Variants in SDK1 observed in about 807,000 individuals in gnomAD.
The protein encoded by SDK1 is protein sidekick-1.
SDK1 carries 157 observed loss-of-function variants against 245.5 expected under a neutral mutation model. The ratio of observed to expected loss-of-function variants is 0.64; its 90% CI spans 0.56 to 0.73. The LOEUF is 0.73. Ranked by LOEUF, SDK1 falls within the 30% of genes least tolerant of loss-of-function variation. The pLI is 0.00. For synonymous variants in SDK1, 1,647 were observed against 1,278.5 expected, an observed-to-expected ratio of 1.29 and a Z score of -6.15; for missense variants, 3,583 against 3,002.3, an observed-to-expected ratio of 1.19 and a Z score of -4.52.
intron 4 of SDK1, among the ~76,000 whole-genome samples, chr7:3,648,514 G>A (rs1782917383): frequency 6.6e-6 from 1 of 152,200 alleles, no homozygotes; most frequent in Non-Finnish European, 1.5e-5. Context: ...AGCATCCCAG[G>A]TGACTCAGAA....
At chr7:4,094,013 G>T (rs1028586669) in intron 22 of SDK1, among the ~76,000 whole-genome samples, 3 of 152,126 alleles carry the variant, frequency 2.0e-5, no homozygotes, top group Non-Finnish European at 4.4e-5. Flanking sequence ...ATACAATCCG[G>T]GGGCAGTCCC....
chr7:4,012,334 G>A, intron 16 of SDK1, 99 bp downstream of exon 16: 1 of 1,286,530 alleles, frequency 7.8e-7, no homozygotes, highest in Non-Finnish European at 1.0e-6. Context: ...AGCCAAACAG[G>A]AACCAAAGGA....
chr7:3,461,443 C>T (rs551359132), intron 1 of SDK1, among the ~76,000 whole-genome samples: 13 of 152,220 alleles, frequency 8.5e-5, no homozygotes, highest in African/African-American at 3.1e-4. Flanking sequence ...ATTTTAGTAG[C>T]TAGAATTTCT....
At chr7:3,405,691 A>G (rs892098102) in intron 1 of SDK1, among the ~76,000 whole-genome samples, 1 of 152,214 alleles carries the variant, frequency 6.6e-6, no homozygotes, top group Non-Finnish European at 1.5e-5. Context: ...GAGCTGACAC[A>G]GTAGTAGCAG....
At chr7:3,992,289 G>A (rs1784386642) in intron 14 of SDK1, among the ~76,000 whole-genome samples, 1 of 152,200 alleles carries the variant, frequency 6.6e-6, no homozygotes, top group Non-Finnish European at 1.5e-5. Context: ...GACTCAAGGT[G>A]CATCTCTGGA....
chr7:3,983,117 G>A (rs1041387617), intron 13 of SDK1, among the ~76,000 whole-genome samples: 2 of 152,236 alleles, frequency 1.3e-5, no homozygotes, highest in South Asian at 4.1e-4. Flanking sequence ...GTGTGGGACA[G>A]CATCTACTTT....
At chr7:3,443,107 G>A (rs1291476790) in intron 1 of SDK1, among the ~76,000 whole-genome samples, 1 of 151,342 alleles carries the variant, frequency 6.6e-6, no homozygotes, top group Non-Finnish European at 1.5e-5. Flanking sequence ...AAAGTTTCAG[G>A]GTTATATCCT....
intron 1 of SDK1, among the ~76,000 whole-genome samples, chr7:3,350,730 A>G (rs1000466572): frequency 1.3e-5 from 2 of 152,114 alleles, no homozygotes; most frequent in African/African-American, 4.8e-5. Flanking sequence ...CACCAATGTC[A>G]TATTTACTGT....
intron 1 of SDK1, among the ~76,000 whole-genome samples, chr7:3,338,905 G>T (rs761040537): frequency 6.6e-6 from 1 of 152,164 alleles, no homozygotes. Flanking sequence ...GAAGAAAGGA[G>T]AAACAGAAGA....
chr7:4,100,382 A>G (rs1010912700), intron 22 of SDK1, among the ~76,000 whole-genome samples: 10 of 152,162 alleles, frequency 6.6e-5, no homozygotes, highest in Admixed American at 2.6e-4. Flanking sequence ...TTCGGGGGAC[A>G]CACTTGGGAG....
intron 1 of SDK1, among the ~76,000 whole-genome samples, chr7:3,340,008 A>C (rs949417778): frequency 6.6e-6 from 1 of 152,142 alleles, no homozygotes; most frequent in African/African-American, 2.4e-5. Flanking sequence ...GAAATAGAGG[A>C]TATCACTACA....
intron 2 of SDK1, among the ~76,000 whole-genome samples, chr7:3,630,995 G>C (rs1407596969): frequency 6.6e-6 from 1 of 152,024 alleles, no homozygotes; most frequent in Non-Finnish European, 1.5e-5. Flanking sequence ...GAGTGCAGTG[G>C]TGCAATGGTT....
intron 34 of SDK1, among the ~76,000 whole-genome samples, chr7:4,177,783 G>C (rs1173336584): frequency 6.6e-6 from 1 of 152,192 alleles, no homozygotes; most frequent in Non-Finnish European, 1.5e-5. Flanking sequence ...ATATAGAATA[G>C]AGTGAAATAA....
chr7:3,604,318 T>G (rs1259480873), intron 1 of SDK1, among the ~76,000 whole-genome samples: 4 of 152,186 alleles, frequency 2.6e-5, no homozygotes, highest in Non-Finnish European at 5.9e-5. Context: ...GGTCCTTGTA[T>G]TACTTTTCTC....
chr7:3,445,999 GC>G (rs1780331200), intron 1 of SDK1, among the ~76,000 whole-genome samples: 1 of 151,524 alleles, frequency 6.6e-6, no homozygotes, highest in Admixed American at 6.6e-5. Context: ...ATCTTCATTT[GC>G]CAAGGATAAT....
At chr7:4,244,988 A>G (rs936219501) in intron 43 of SDK1, among the ~76,000 whole-genome samples, 1 of 152,140 alleles carries the variant, frequency 6.6e-6, no homozygotes, top group Admixed American at 6.5e-5. Context: ...AGGGTCTCCT[A>G]ATGTCATGTG....
chr7:3,364,185 A>C (rs1781026371), intron 1 of SDK1, among the ~76,000 whole-genome samples: 1 of 152,222 alleles, frequency 6.6e-6, no homozygotes, highest in Non-Finnish European at 1.5e-5. Flanking sequence ...TTTAGATACT[A>C]GGCATTTGTT....
chr7:3,925,492 C>T (rs759602951), intron 5 of SDK1, among the ~76,000 whole-genome samples: 3 of 152,146 alleles, frequency 2.0e-5, no homozygotes, highest in Non-Finnish European at 2.9e-5. Context: ...AATCTCTCGT[C>T]GCCAAACTAA....
chr7:4,218,920 C>T (rs1355844817), intron 38 of SDK1, among the ~76,000 whole-genome samples: 2 of 151,968 alleles, frequency 1.3e-5, no homozygotes, highest in Non-Finnish European at 2.9e-5. Flanking sequence ...CATTTTCAAA[C>T]TTGTTTAACC....
Sources: gnomAD v4.1 joint callset for allele counts (sites outside exome capture counted in the v4.1 genomes callset) on GRCh38, gnomAD v4.1.1 for gene constraint, MANE v1.5 for transcripts, NCBI Gene and HGNC (gene_info 2026-07-23, HGNC 2026-07-21) for gene names.